UHRF2: variants seen among roughly 807,000 people sequenced by gnomAD.
UHRF2 encodes E3 ubiquitin-protein ligase UHRF2.
In UHRF2, 23 loss-of-function variants were observed where a neutral mutation model predicts 96.8. The observed-to-expected ratio is 0.24, with a 90% CI of 0.17 to 0.34. The LOEUF (loss-of-function observed/expected upper bound fraction) is 0.34, where lower values mean the gene tolerates loss of function less well. Ranked by LOEUF, UHRF2 falls within the 10% of genes least tolerant of loss-of-function variation. The probability of loss-of-function intolerance (pLI) is 1.00; values close to 1 mark genes in which losing one functional copy is unlikely to be tolerated. For missense variants in UHRF2, 685 were observed against 981.5 expected, an observed-to-expected ratio of 0.70 and a Z score of 4.04; for synonymous variants, 385 against 332.6, an observed-to-expected ratio of 1.16 and a Z score of -1.72.
At chr9:6,431,749 G>C (rs549731271) in intron 2 of UHRF2, among the ~76,000 whole-genome samples, 1 of 152,276 alleles carries the variant, frequency 6.6e-6, no homozygotes, top group South Asian at 2.1e-4. Flanking sequence ...TGTTAAGGTA[G>C]CCAGCTATTA....
At chr9:6,433,346 T>C (rs1474310901) in intron 2 of UHRF2, among the ~76,000 whole-genome samples, 1 of 152,220 alleles carries the variant, frequency 6.6e-6, no homozygotes, top group African/African-American at 2.4e-5. Flanking sequence ...TTTGAGGTGG[T>C]AGATAAATGT....
intron 5 of UHRF2, 36 bp downstream of exon 5, chr9:6,475,536 G>A: frequency 3.0e-6 from 4 of 1,314,890 alleles, no homozygotes; most frequent in Non-Finnish European, 4.2e-6. Context: ...GACTACATGT[G>A]TTGTACATGA....
At chr9:6,445,566 A>C (rs542378959) in intron 3 of UHRF2, among the ~76,000 whole-genome samples, 7 of 151,950 alleles carry the variant, frequency 4.6e-5, no homozygotes, top group African/African-American at 1.7e-4. Context: ...TAGCCTCTTT[A>C]TTTATTTTTG....
chr9:6,504,135 C>T (rs769703237), intron 14 of UHRF2, among the ~76,000 whole-genome samples: 1 of 149,416 alleles, frequency 6.7e-6, no homozygotes, highest in Non-Finnish European at 1.5e-5. Context: ...ACTCCATTCT[C>T]CTGCCTCAGC....
chr9:6,499,351 GT>G (rs1342781286), intron 12 of UHRF2: 1 of 145,066 alleles, frequency 6.9e-6, no homozygotes, highest in Non-Finnish European at 1.5e-5. Flanking sequence ...TAGTAATTTA[GT>G]TGCTTTAGGT....
rs558334995 is a variant in UHRF2, at chr9:6,429,432, T to C, written c.385-4482T>C. Among the ~76,000 whole-genome samples, 4 of 152,324 alleles carry C rather than the reference T, an allele frequency of 2.6e-5. 1 individual carries two copies. In the South Asian group the frequency reaches 8.3e-4, roughly 32 times the overall value. On this transcript the variant is annotated intron_variant, in intron 2 of 15. Transcript: ENST00000276893. ...TGTGGTTTTTTTGTTTCTGTTTCTT[T>C]TAGACAGAGTCTTGCACTGTCATGC...
chr9:6,488,822 G>GTT (rs71328191), intron 9 of UHRF2, among the ~76,000 whole-genome samples: 4 of 146,940 alleles, frequency 2.7e-5, no homozygotes, highest in African/African-American at 5.0e-5. Context: ...GTTTTGTTTT[G>GTT]TTTTTTTTGA....
intron 2 of UHRF2, among the ~76,000 whole-genome samples, chr9:6,432,351 C>G (rs1563750918): frequency 6.6e-6 from 1 of 152,166 alleles, no homozygotes; most frequent in Non-Finnish European, 1.5e-5. Flanking sequence ...TACCCTCTGT[C>G]ATTTTGTGGT....
At chr9:6,451,143 T>C (rs1397346273) in intron 3 of UHRF2, among the ~76,000 whole-genome samples, 1 of 152,188 alleles carries the variant, frequency 6.6e-6, no homozygotes, top group East Asian at 1.9e-4. Flanking sequence ...TAACAATACT[T>C]TCATATTGCA....
intron 3 of UHRF2, among the ~76,000 whole-genome samples, chr9:6,437,601 A>G (rs1820928099): frequency 6.6e-6 from 1 of 151,840 alleles, no homozygotes; most frequent in South Asian, 2.1e-4. Context: ...GTTATGCTGT[A>G]AATCTGTTTT....
At chr9:6,444,456 T>C (rs1158196604) in intron 3 of UHRF2, among the ~76,000 whole-genome samples, 1 of 152,234 alleles carries the variant, frequency 6.6e-6, no homozygotes, top group Non-Finnish European at 1.5e-5. Context: ...CAAACTTATA[T>C]ATCGTCCCTT....
At chr9:6,481,621 C>G in intron 6 of UHRF2, 22 bp from the exon 7 acceptor site, 1 of 1,604,212 alleles carries the variant, frequency 6.2e-7, no homozygotes, top group Middle Eastern at 1.9e-4. Context: ...AAAATGCCTT[C>G]GTTCTTTTTT....
intron 3 of UHRF2, among the ~76,000 whole-genome samples, chr9:6,444,357 T>G (rs1036636192): frequency 6.6e-6 from 1 of 152,228 alleles, no homozygotes; most frequent in African/African-American, 2.4e-5. Flanking sequence ...AAGTTAGATA[T>G]GCATTTCATT....
chr9:6,427,569 C>A (rs1454618555), intron 2 of UHRF2, among the ~76,000 whole-genome samples: 1 of 152,100 alleles, frequency 6.6e-6, no homozygotes, highest in Non-Finnish European at 1.5e-5. Context: ...CGACTAATCC[C>A]AGCTACTTGG....
chr9:6,427,747 ATAACTGAG>A (rs1425074857), intron 2 of UHRF2, among the ~76,000 whole-genome samples: 6 of 152,298 alleles, frequency 3.9e-5, no homozygotes, highest in African/African-American at 1.4e-4. Flanking sequence ...GCTCTGTTTG[ATAACTGAG>A]CAATATTTAA....
intron 2 of UHRF2, among the ~76,000 whole-genome samples, chr9:6,422,175 A>G (rs921731759): frequency 2.6e-5 from 4 of 152,078 alleles, no homozygotes; most frequent in South Asian, 2.1e-4. Context: ...CTGTTTGTCT[A>G]TCTGTGTTCC....
chr9:6,470,702 G>C (rs1823193723), intron 4 of UHRF2, among the ~76,000 whole-genome samples: 1 of 152,124 alleles, frequency 6.6e-6, no homozygotes, highest in Non-Finnish European at 1.5e-5. Context: ...GTGAGATTCT[G>C]GCATCATTGG....
At position 6,413,201 on chromosome 9, in the gene UHRF2, A is replaced by C. The variant is rs1460579953; in HGVS notation, c.-290A>C. On this transcript the variant is annotated 5_prime_UTR_variant, in exon 1 of 16. Transcript: ENST00000276893. ...CTCCATGTGGGAGCTCCAGCTCTAT[A>C]AGTAAACACTCTGCGCGGCGCAGAC... 1 of 158,440 alleles carries C rather than the reference A, an allele frequency of 6.3e-6. No individual in the cohort carries two copies. Among genetic ancestry groups the C allele is most frequent in the Non-Finnish European group, 1.4e-5 (1 of 72,012 alleles). 9.8% of individuals were successfully genotyped at this position (158,440 alleles called of 1,614,324 possible).
At chr9:6,471,609 G>A (rs1175809621) in intron 4 of UHRF2, among the ~76,000 whole-genome samples, 1 of 152,134 alleles carries the variant, frequency 6.6e-6, no homozygotes, top group Non-Finnish European at 1.5e-5. Context: ...TTTTCCCTGA[G>A]TAGAGCCTTT....
Sources: gnomAD v4.1 joint callset for allele counts (sites outside exome capture counted in the v4.1 genomes callset) on GRCh38, gnomAD v4.1.1 for gene constraint, MANE v1.5 for transcripts, NCBI Gene and HGNC (gene_info 2026-07-23, HGNC 2026-07-21) for gene names.